The following ADGRD2 variants were observed in gnomAD, a reference collection of about 807,000 sequenced individuals.
ADGRD2 encodes adhesion G protein-coupled receptor D2.
A neutral mutation model predicts 44.4 loss-of-function variants in ADGRD2; 71 were observed. The observed-to-expected ratio is 1.60, with a 90% CI of 1.32 to 1.95. The LOEUF (loss-of-function observed/expected upper bound fraction) is 1.95, where lower values mean the gene tolerates loss of function less well. Ranked by LOEUF, ADGRD2 falls within the 30% of genes most tolerant of loss-of-function variation. The pLI, the probability that ADGRD2 is intolerant of heterozygous loss-of-function variation, is 0.00. For missense variants in ADGRD2, 1,039 were observed against 512.4 expected (o/e 2.03, Z -9.92); for synonymous variants, 481 against 224.8 (o/e 2.14, Z -10.19).
chr9:124,468,147 C>T, exon 13 of ADGRD2: 1 of 718,572 alleles, frequency 1.4e-6, no homozygotes, highest in Non-Finnish European at 2.6e-6. Context: ...CTGGCCTCTG[C>T]CGAGGGCTTC....
intron 11 of ADGRD2, 139 bp downstream of exon 14, chr9:124,466,552 G>A (rs1396453561): frequency 4.0e-6 from 2 of 498,424 alleles, no homozygotes; most frequent in Middle Eastern, 7.1e-4. Flanking sequence ...GCATGCAGTA[G>A]TTCATGCCTG....
intron 17 of ADGRD2, among the ~76,000 whole-genome samples, chr9:124,473,181 G>C (rs887190355): frequency 2.0e-5 from 3 of 152,190 alleles, no homozygotes; most frequent in African/African-American, 7.2e-5. Flanking sequence ...CATAAGCTAG[G>C]TACATCCCAC....
In ADGRD2 at chr9:124,454,515, G is replaced by A. The variant is rs533019893; in HGVS notation, c.1056G>A (p.Ser352=). ...ATCGTCGGCTGCAGGATGCCCAGTC[G>A]TGGCCTGGCCAGGATGTTATCAGCC... Residue 352 remains serine (S), a synonymous_variant, in exon 5 of 22, where the codon TCG becomes TCA. Coordinates refer to ENST00000334810, the Ensembl canonical transcript of ADGRD2. The surrounding 1 kb of genome is among the most constrained non-coding windows in gnomAD (Gnocchi z 4.5). 6.0e-5 allele frequency: 43 copies of A among 716,630 alleles called. No homozygotes were observed. Among genetic ancestry groups the A allele is most frequent in the Admixed American group, 3.0e-4 (15 of 50,012 alleles). The allele number at this position is 716,630 out of a possible 1,614,324, so 44.4% of individuals were successfully genotyped here.
chr9:124,460,374 G>GGA (rs1564139922), intron 10 of ADGRD2, among the ~76,000 whole-genome samples: 18 of 80,326 alleles, frequency 2.2e-4, no homozygotes, highest in Non-Finnish European at 7.4e-5. Flanking sequence ...AGCTAATTTT[G>GGA]TATATATATA....
chr9:124,451,997 G>A, upstream of ADGRD2: 3 of 360,936 alleles, frequency 8.3e-6, no homozygotes, highest in Non-Finnish European at 5.5e-6. Flanking sequence ...TCCACTGAAT[G>A]CCCCCCTCCC....
chr9:124,468,266 CT>C (rs1831870252), intron 13 of ADGRD2, 76 bp downstream of exon 16: 1 of 710,930 alleles, frequency 1.4e-6, no homozygotes, highest in Non-Finnish European at 2.6e-6. Flanking sequence ...GGGTGACCCC[CT>C]GCCCCCAACT....
At chr9:124,468,648 C>A (rs762716045) in exon 14 of ADGRD2, 1 of 717,512 alleles carries the variant, frequency 1.4e-6, no homozygotes, top group Non-Finnish European at 2.6e-6. Flanking sequence ...CCCAGGCATG[C>A]GGCTCTACCA....
chr9:124,466,540 C>G, intron 11 of ADGRD2, 127 bp downstream of exon 14: 1 of 553,492 alleles, frequency 1.8e-6, no homozygotes, highest in South Asian at 2.6e-5. Flanking sequence ...GGGGACAGGG[C>G]TGCATGCAGT....
upstream of ADGRD2, among the ~76,000 whole-genome samples, chr9:124,450,471 A>G (rs112882224): frequency 6.6e-6 from 1 of 152,238 alleles, no homozygotes; most frequent in Non-Finnish European, 1.5e-5. Flanking sequence ...GATGCCTCGC[A>G]GACGGTGAAC....
chr9:124,466,038 G>A (rs898034556), intron 10 of ADGRD2: 2 of 376,068 alleles, frequency 5.3e-6, no homozygotes, highest in Non-Finnish European at 4.8e-6. Context: ...AATTAATTAA[G>A]TTGATAAATG....
intron 17 of ADGRD2, among the ~76,000 whole-genome samples, chr9:124,473,303 C>T (rs1292844517): frequency 6.6e-6 from 1 of 152,202 alleles, no homozygotes; most frequent in Non-Finnish European, 1.5e-5. Context: ...GCCACTGTGC[C>T]GGGTTGTGTC....
chr9:124,452,480 A>T (rs1235375347), intron 1 of ADGRD2, 30 bp from the exon 5 acceptor site: 1 of 717,598 alleles, frequency 1.4e-6, no homozygotes, highest in African/African-American at 1.8e-5. Flanking sequence ...CACAAAATGC[A>T]CCCCCCACCG....
intron 19 of ADGRD2, 156 bp downstream of exon 22, chr9:124,475,771 A>G: frequency 1.8e-6 from 1 of 550,396 alleles, no homozygotes; most frequent in Non-Finnish European, 3.2e-6. Context: ...AGGGAGCCCC[A>G]TAGCCTTGGC....
In ADGRD2 at chr9:124,454,719, T is replaced by C; in HGVS notation, c.1109-124T>C. On this transcript the variant is annotated intron_variant, in intron 5 of 21. Coordinates refer to ENST00000334810, the Ensembl canonical transcript of ADGRD2. This position sits in a 1 kb window ranked among gnomAD's most constrained non-coding sequence, Gnocchi z 4.5. The stretch of plus-strand genomic sequence containing the variant: ...CTCCCTATTCTGTAGCCCCTGAGAG[T>C]TGGCGGCTTGTGACAAGTTTAATGG... 2 of 614,786 alleles carry C rather than the reference T, an allele frequency of 3.3e-6. No individual in the cohort carries two copies. The highest frequency in any genetic ancestry group is 5.9e-6 in the Non-Finnish European group (2 of 339,228). The allele number at this position is 614,786 out of a possible 1,614,324, so 38.1% of individuals were successfully genotyped here.
exon 3 of ADGRD2, chr9:124,453,163 C>T: frequency 4.3e-6 from 3 of 699,798 alleles, no homozygotes; most frequent in East Asian, 2.7e-5. Flanking sequence ...CTGTGCCTCG[C>T]CCGACCCCGC....
At chr9:124,470,569 G>A (rs373018549) in exon 17 of ADGRD2, 2 of 709,536 alleles carry the variant, frequency 2.8e-6, no homozygotes, top group African/African-American at 3.5e-5. Flanking sequence ...TGGTGCACCT[G>A]AGCCCCGCCT....
At chr9:124,469,745 A>G (rs1029176628) in intron 16 of ADGRD2, among the ~76,000 whole-genome samples, 198 bp downstream of exon 19, 4 of 152,236 alleles carry the variant, frequency 2.6e-5, no homozygotes, top group African/African-American at 9.6e-5. Flanking sequence ...GCATGTCAAC[A>G]TGTGTCAACA....
At chr9:124,460,386 A>ATTTT (rs556356103) in intron 10 of ADGRD2, among the ~76,000 whole-genome samples, 823 of 81,852 alleles carry the variant, frequency 0.01, 27 homozygotes, top group East Asian at 0.1. Context: ...ATATATATAT[A>ATTTT]TATTTTTTTT....
rs1370382234 is a variant in ADGRD2, at chr9:124,457,551, G to A, written c.1587G>A (p.Glu529=). The change falls in exon 8 of 22, where the codon GAG becomes GAA. Residue 529 remains glutamate, a synonymous_variant. Transcript: ENST00000334810. Reference sequence around the variant, plus strand: ...TCACAATGCCTGGTGGGCGTCCAGAGGGGCCCGGCCATATCCACATTCCTG... The same window carrying A: ...TCACAATGCCTGGTGGGCGTCCAGAAGGGCCCGGCCATATCCACATTCCTG... 5 of 687,390 alleles carry A rather than the reference G, an allele frequency of 7.3e-6. No homozygotes were observed. The Admixed American group carries it at 1.0e-4, about 14-fold the overall frequency. 42.6% of individuals were successfully genotyped at this position (687,390 alleles called of 1,614,324 possible). A position where few individuals can be genotyped will look rare whatever the true frequency, so the allele number is the denominator to read the frequency against.
Sources: gnomAD v4.1 joint callset for allele counts (sites outside exome capture counted in the v4.1 genomes callset) on GRCh38, gnomAD v4.1.1 for gene constraint, Gnocchi (gnomAD v3.1) non-coding constraint, MANE v1.5 for transcripts, NCBI Gene and HGNC (gene_info 2026-07-23, HGNC 2026-07-21) for gene names.